RBM33: variants seen among roughly 807,000 people sequenced by gnomAD.
RBM33 encodes RNA-binding protein 33.
RBM33 carries 28 observed loss-of-function variants against 132.6 expected under a neutral mutation model. That is an observed-to-expected ratio of 0.21 (90% confidence interval 0.16 to 0.29). The LOEUF (loss-of-function observed/expected upper bound fraction) is 0.29. Among genes scored for constraint, RBM33 ranks in the 10% least tolerant of loss-of-function variants. The pLI is 1.00. For synonymous variants in RBM33, 634 were observed against 593.0 expected, an observed-to-expected ratio of 1.07 and a Z score of -1.01; for missense variants, 1,291 against 1,518.5, an observed-to-expected ratio of 0.85 and a Z score of 2.49.
intron 14 of RBM33, among the ~76,000 whole-genome samples, chr7:155,757,902 T>C (rs73167182): frequency 0.063 from 9,383 of 149,926 alleles, 455 homozygotes; most frequent in African/African-American, 0.13. Flanking sequence ...GCGGGGCATG[T>C]GCCATGCACT....
chr7:155,774,310 G>T lies in RBM33; in HGVS notation c.3376-249G>T, dbSNP rs758133215. On this transcript the variant is annotated intron_variant, in intron 16 of 17. Transcript: ENST00000401878. The surrounding 1 kb of genome is among the most constrained non-coding windows in gnomAD (Gnocchi z 4.2). ...AGCTGATGGGGCCAGATGATGGGAG[G>T]CCTTAACACTAGGCTTGGAAGATGT... 1.3e-5 allele frequency among the ~76,000 whole-genome samples: 2 copies of T among 152,180 alleles called. No individual in the cohort carries two copies. Among genetic ancestry groups the T allele is most frequent in the African/African-American group, 4.8e-5 (2 of 41,434 alleles).
chr7:155,716,684 G>GT (rs1800472453), intron 8 of RBM33, among the ~76,000 whole-genome samples: 1 of 151,778 alleles, frequency 6.6e-6, no homozygotes, highest in Admixed American at 6.6e-5. Context: ...AGATATTCTT[G>GT]TTTTTTTCTT....
rs1399642983 is a variant in RBM33, at chr7:155,739,803, ACCAGCCCCCGCACCAGCC to A, written c.1829_1846del (p.Gln610_Pro615del). On this transcript the variant is annotated inframe_deletion, in exon 12 of 18. Coordinates refer to ENST00000401878, the MANE Select transcript of RBM33 (RefSeq NM_053043.3). ...CCCCCGCCACAGCACCAGCCTCCGC[ACCAGCCCCCGCACCAGCC>A]CCCGCCCCAGCACCAGCCCCCACCC... 4.0e-5 allele frequency: 54 copies of A among 1,365,620 alleles called. No homozygotes were observed. Among genetic ancestry groups the A allele is most frequent in the Non-Finnish European group, 5.0e-5 (51 of 1,023,954 alleles). The allele number at this position is 1,365,620 out of a possible 1,614,324, so 84.6% of individuals were successfully genotyped here. A position where few individuals can be genotyped will look rare whatever the true frequency, so the allele number is the denominator to read the frequency against.
In RBM33 at chr7:155,707,339, G is replaced by A. The variant is rs1004117581; in HGVS notation, c.948+271G>A. 31 of 579,944 alleles carry A rather than the reference G, an allele frequency of 5.3e-5. No homozygotes were observed. In the East Asian group the frequency reaches 1.1e-3, roughly 20 times the overall value. 35.9% of individuals were successfully genotyped at this position (579,944 alleles called of 1,614,324 possible). ...AATGAGCGACCTGATGCCCTAAGATGACATAAGCTGTTGGACCTTGCTACC... is the reference window on the plus strand; with the variant it reads ...AATGAGCGACCTGATGCCCTAAGATAACATAAGCTGTTGGACCTTGCTACC... On this transcript the variant is annotated intron_variant, in intron 7 of 17. Coordinates refer to ENST00000401878, the MANE Select transcript of RBM33 (RefSeq NM_053043.3).
At chr7:155,706,709 C>A in intron 6 of RBM33, 151 bp from the exon 7 acceptor site, 1 of 614,638 alleles carries the variant, frequency 1.6e-6, no homozygotes, top group Non-Finnish European at 2.9e-6. Context: ...CTGGTTGTAT[C>A]GTACTTGCCG....
At chr7:155,743,593 A>T (rs892378168) in intron 13 of RBM33, among the ~76,000 whole-genome samples, 1 of 152,052 alleles carries the variant, frequency 6.6e-6, no homozygotes, top group Non-Finnish European at 1.5e-5. Flanking sequence ...GATTATATAT[A>T]TTTTTTTACT....
intron 16 of RBM33, among the ~76,000 whole-genome samples, chr7:155,768,715 C>G (rs1176982662): frequency 1.3e-5 from 2 of 152,270 alleles, no homozygotes; most frequent in African/African-American, 2.4e-5. Context: ...CTCCCGGGTT[C>G]AAGCGATTCT....
At chr7:155,702,869 C>G (rs1419600234) in intron 6 of RBM33, among the ~76,000 whole-genome samples, 1 of 152,158 alleles carries the variant, frequency 6.6e-6, no homozygotes, top group East Asian at 1.9e-4. Flanking sequence ...ACTGAGAACT[C>G]CCCAGGTAGC....
At chr7:155,709,847 T>C (rs1172363576) in intron 7 of RBM33, among the ~76,000 whole-genome samples, 1 of 152,226 alleles carries the variant, frequency 6.6e-6, no homozygotes, top group Non-Finnish European at 1.5e-5. Context: ...TACCAGAATC[T>C]TTTGAAACGT....
At chr7:155,669,772 T>G (rs1190208931) in intron 2 of RBM33, among the ~76,000 whole-genome samples, 2 of 152,198 alleles carry the variant, frequency 1.3e-5, no homozygotes, top group Non-Finnish European at 2.9e-5. Flanking sequence ...TGGGAAGTGG[T>G]GTCCTAGGGC....
Position 155,737,576 on chromosome 7 carries a change from G to A in RBM33, c.1307G>A (p.Ser436Asn). The A allele has an allele frequency of 6.2e-7, 1 of 1,613,296 alleles. No homozygotes were observed. The highest frequency in any genetic ancestry group is 8.5e-7 in the Non-Finnish European group (1 of 1,179,686). ...PQHTPGPVPN[S>N]FSQPPRLPLQ... ...CATACACCTGGACCTGTTCCCAACA[G>A]TTTCAGCCAGCCCCCACGACTCCCT... The change falls in exon 10 of 18, where the codon AGT (serine) becomes AAT (asparagine). Residue 436 changes from serine to asparagine, a missense_variant. Coordinates refer to ENST00000401878, the MANE Select transcript of RBM33 (RefSeq NM_053043.3).
At chr7:155,751,863 C>T (rs1801695877) in intron 14 of RBM33, among the ~76,000 whole-genome samples, 1 of 152,176 alleles carries the variant, frequency 6.6e-6, no homozygotes, top group African/African-American at 2.4e-5. Flanking sequence ...ATCAAATTTT[C>T]ACTATTGTTA....
Position 155,774,340 on chromosome 7 carries a change from GT to G in RBM33, c.3376-217del, listed in dbSNP as rs1370983034. Among the ~76,000 whole-genome samples, 8 of 152,212 alleles carry G rather than the reference GT, an allele frequency of 5.3e-5. No individual in the cohort carries two copies. Among genetic ancestry groups the G allele is most frequent in the Non-Finnish European group, 1.2e-4 (8 of 68,042 alleles). The stretch of plus-strand genomic sequence containing the variant: ...AACACTAGGCTTGGAAGATGTAACT[GT>G]TGCTGTTGGGAATGATTTAGTAAAG... On this transcript the variant is annotated intron_variant, in intron 16 of 17. Transcript: ENST00000401878. The surrounding 1 kb of genome is among the most constrained non-coding windows in gnomAD (Gnocchi z 4.2).
intron 9 of RBM33, among the ~76,000 whole-genome samples, chr7:155,722,690 C>G (rs1293725931): frequency 6.6e-6 from 1 of 152,088 alleles, no homozygotes; most frequent in Non-Finnish European, 1.5e-5. Context: ...AATATTTTAA[C>G]ATGTTGTTTT....
rs1205438266 is a variant in RBM33 at position 155,706,336 on chromosome 7, C to CA, written c.740-517dup. Reference sequence around the variant, plus strand: ...GTGAAACCCCGTCTCTATTAAAATGCAAAAAAATCAGCCGGCGTGGCGGTG... The same window carrying CA: ...GTGAAACCCCGTCTCTATTAAAATGCAAAAAAAATCAGCCGGCGTGGCGGTG... On this transcript the variant is annotated intron_variant, in intron 6 of 17. Transcript: ENST00000401878. 2.6e-5 allele frequency among the ~76,000 whole-genome samples: 4 copies of CA among 152,004 alleles called. No homozygotes were observed. In the South Asian group the frequency reaches 6.2e-4, roughly 24 times the overall value.
chr7:155,649,743 C>T (rs1798304650), intron 1 of RBM33, among the ~76,000 whole-genome samples: 1 of 152,070 alleles, frequency 6.6e-6, no homozygotes, highest in South Asian at 2.1e-4. Context: ...GTATCATTGC[C>T]CAGCCAGTGA....
At chr7:155,701,230 G>T (rs35436408) in intron 6 of RBM33, 6,011 of 493,770 alleles carry the variant, frequency 0.012, 66 homozygotes, top group Non-Finnish European at 0.014. Flanking sequence ...ACATGCTGTG[G>T]TTCCTGGCTG....
intron 1 of RBM33, among the ~76,000 whole-genome samples, chr7:155,645,702 A>G (rs1272391413): frequency 1.3e-5 from 2 of 152,244 alleles, no homozygotes; most frequent in African/African-American, 2.4e-5. Flanking sequence ...CTTGAAAGTG[A>G]CTTTTTAAGT....
chr7:155,702,851 G>A (rs1800006987), intron 6 of RBM33, among the ~76,000 whole-genome samples: 1 of 152,222 alleles, frequency 6.6e-6, no homozygotes, highest in Admixed American at 6.5e-5. Context: ...ATGTATAAAA[G>A]CATAGTCACT....
Sources: allele counts gnomAD v4.1 joint callset (sites outside exome capture counted in the v4.1 genomes callset), GRCh38; gene constraint gnomAD v4.1.1; non-coding constraint Gnocchi (gnomAD v3.1); transcripts MANE v1.5; gene names NCBI Gene and HGNC (gene_info 2026-07-23, HGNC 2026-07-21).